DACH1: variants seen among roughly 807,000 people sequenced by gnomAD.
DACH1 encodes the protein dachshund homolog 1.
Under a neutral mutation model 54.2 loss-of-function variants are expected in DACH1, and 12 were observed. The observed-to-expected ratio is 0.22, with a 90% CI of 0.14 to 0.36. The LOEUF is 0.36. Among genes scored for constraint, DACH1 ranks in the 10% least tolerant of loss-of-function variants. The pLI is 1.00. For missense variants in DACH1, 805 were observed against 929.8 expected (o/e 0.87, Z 1.75); for synonymous variants, 386 against 366.2 (o/e 1.05, Z -0.62).
rs535249958 is a variant in DACH1 at position 71,615,082 on chromosome 13, G to T, written c.1126+15474C>A. Among the ~76,000 whole-genome samples the T allele has an allele frequency of 5.9e-5, 9 of 151,958 alleles. No homozygotes were observed. The East Asian group carries it at 1.7e-3, about 29-fold the overall frequency. ...GAAATAATCAAAATTTATATTTTAA[G>T]ATTATCCCATGTTTATGGTAAACCT... On this transcript the variant is annotated intron_variant, in intron 3 of 10. Coordinates refer to ENST00000613252, the MANE Select transcript of DACH1 (RefSeq NM_080759.6).
intron 10 of DACH1, among the ~76,000 whole-genome samples, chr13:71,470,569 C>T (rs1054535116): frequency 2.0e-5 from 3 of 152,002 alleles, no homozygotes; most frequent in African/African-American, 4.8e-5. Context: ...CCTTGGGATC[C>T]GCCCTACTCA....
chr13:71,558,091 C>T (rs1376051912), intron 5 of DACH1, among the ~76,000 whole-genome samples: 1 of 151,734 alleles, frequency 6.6e-6, no homozygotes, highest in African/African-American at 2.4e-5. Context: ...TCATTTTTCT[C>T]TTATGTAAAA....
intron 1 of DACH1, among the ~76,000 whole-genome samples, chr13:71,856,431 C>T (rs1874006337): frequency 6.6e-6 from 1 of 151,890 alleles, no homozygotes; most frequent in Admixed American, 6.6e-5. Context: ...TCAGAGCATT[C>T]TTAGAGGGTA....
At chr13:71,844,664 G>A (rs752629099) in intron 1 of DACH1, among the ~76,000 whole-genome samples, 5 of 151,924 alleles carry the variant, frequency 3.3e-5, no homozygotes, top group African/African-American at 4.8e-5. Flanking sequence ...CTATACCACC[G>A]TTAACTCCTT....
At chr13:71,596,104 A>AT (rs112792537) in intron 3 of DACH1, among the ~76,000 whole-genome samples, 16,938 of 149,810 alleles carry the variant, frequency 0.11, 2,927 homozygotes, top group African/African-American at 0.37. Context: ...ACATATATGT[A>AT]TTTTTTTTTT....
At chr13:71,494,148 G>C (rs1460428304) in intron 6 of DACH1, among the ~76,000 whole-genome samples, 1 of 152,098 alleles carries the variant, frequency 6.6e-6, no homozygotes, top group Non-Finnish European at 1.5e-5. Context: ...CTACACATGG[G>C]TAGGGTCTGG....
chr13:71,491,911 T>C (rs1405250136), intron 6 of DACH1, among the ~76,000 whole-genome samples: 1 of 152,150 alleles, frequency 6.6e-6, no homozygotes, highest in Non-Finnish European at 1.5e-5. Flanking sequence ...AGTTTTGACA[T>C]CACATAATCT....
intron 6 of DACH1, among the ~76,000 whole-genome samples, chr13:71,529,183 G>GTTTTTTTTTTGTTTTTTTTTTTT (rs1299574030): frequency 1.2e-5 from 1 of 80,980 alleles, no homozygotes; most frequent in African/African-American, 4.4e-5. Context: ...TGTGATTTGG[G>GTTTTTTTTTTGTTTTTTTTTTTT]TTTTTTTTTT....
intron 2 of DACH1, among the ~76,000 whole-genome samples, chr13:71,679,988 T>C (rs1350393189): frequency 6.7e-6 from 1 of 150,130 alleles, no homozygotes; most frequent in African/African-American, 2.4e-5. Flanking sequence ...GATTTTCATA[T>C]GTAGTATAAA....
Position 71,735,119 on chromosome 13 carries a change from T to G in DACH1, c.849-53209A>C, listed in dbSNP as rs911920594. Among the ~76,000 whole-genome samples, 4 of 150,836 alleles carry G rather than the reference T, an allele frequency of 2.7e-5. No homozygotes were observed. The East Asian group carries it at 7.9e-4, about 30-fold the overall frequency. ...CATATATGGGATACACGTATATGGG[T>G]TATACATATATATGGGATACTCGTA... On this transcript the variant is annotated intron_variant, in intron 1 of 10. Coordinates refer to ENST00000613252, the MANE Select transcript of DACH1 (RefSeq NM_080759.6).
intron 1 of DACH1, among the ~76,000 whole-genome samples, chr13:71,731,440 C>T (rs1271839042): frequency 6.6e-6 from 1 of 151,976 alleles, no homozygotes; most frequent in Non-Finnish European, 1.5e-5. Context: ...CCCGCCATCA[C>T]ACCCGGCTAA....
chr13:71,730,885 C>A (rs994702645), intron 1 of DACH1, among the ~76,000 whole-genome samples: 1 of 151,916 alleles, frequency 6.6e-6, no homozygotes, highest in African/African-American at 2.4e-5. Context: ...CTAAGGGCTA[C>A]ATTTTCTTAA....
chr13:71,864,025 T>A (rs996747699), intron 1 of DACH1, among the ~76,000 whole-genome samples: 1 of 151,898 alleles, frequency 6.6e-6, no homozygotes, highest in African/African-American at 2.4e-5. Flanking sequence ...ATTCAAATAG[T>A]TTTAATATAG....
In DACH1 at chr13:71,655,457, G is replaced by A. The variant is rs113194959; in HGVS notation, c.965-24740C>T. On this transcript the variant is annotated intron_variant, in intron 2 of 10. Transcript: ENST00000613252. ...GGGATCTCGGCTCACCGCAACCTCT[G>A]CCTCCCAGGTTCAAGCGATTCTCCT... Among the ~76,000 whole-genome samples, 1,416 of 147,322 alleles carry A rather than the reference G, an allele frequency of 9.6e-3. 25 individuals carry two copies. The highest frequency in any genetic ancestry group is 0.033 in the African/African-American group (1,311 of 39,830).
At chr13:71,443,459 T>C (rs1428521421) in intron 10 of DACH1, among the ~76,000 whole-genome samples, 1 of 151,746 alleles carries the variant, frequency 6.6e-6, no homozygotes, top group Non-Finnish European at 1.5e-5. Flanking sequence ...AATGAAAAAA[T>C]AAAAAAGAAA....
intron 3 of DACH1, among the ~76,000 whole-genome samples, chr13:71,622,699 C>T (rs1876336119): frequency 6.6e-6 from 1 of 151,608 alleles, no homozygotes; most frequent in Non-Finnish European, 1.5e-5. Flanking sequence ...TGGAGTCTAC[C>T]ACATAACATA....
chr13:71,765,072 C>G (rs1335577280), intron 1 of DACH1, among the ~76,000 whole-genome samples: 1 of 152,118 alleles, frequency 6.6e-6, no homozygotes, highest in Non-Finnish European at 1.5e-5. Flanking sequence ...AAGCAGGGGT[C>G]CCCACTGATA....
At chr13:71,825,053 G>A (rs1331367819) in intron 1 of DACH1, among the ~76,000 whole-genome samples, 1 of 152,012 alleles carries the variant, frequency 6.6e-6, no homozygotes, top group Non-Finnish European at 1.5e-5. Flanking sequence ...GAAGGTAAGA[G>A]AGCTATTAAT....
At chr13:71,665,982 C>A (rs1237121986) in intron 2 of DACH1, among the ~76,000 whole-genome samples, 4 of 152,060 alleles carry the variant, frequency 2.6e-5, no homozygotes, top group African/African-American at 9.7e-5. Flanking sequence ...GATATATTAG[C>A]TATTAGCAAT....
Sources: allele counts gnomAD v4.1 joint callset (sites outside exome capture counted in the v4.1 genomes callset), GRCh38; gene constraint gnomAD v4.1.1; transcripts MANE v1.5; gene names NCBI Gene and HGNC (gene_info 2026-07-23, HGNC 2026-07-21).